Variants in SIDT1 observed in about 807,000 individuals in gnomAD.
The protein encoded by SIDT1 is SID1 transmembrane family member 1.
SIDT1 carries 101 observed loss-of-function variants against 107.5 expected under a neutral mutation model. The observed-to-expected ratio is 0.94, with a 90% CI of 0.80 to 1.11. SIDT1 has a LOEUF of 1.11. Ranked by LOEUF, SIDT1 falls within the 50% of genes least tolerant of loss-of-function variation. The pLI is 0.00. For missense variants in SIDT1, 1,076 were observed against 1,058.2 expected (o/e 1.02, Z -0.23); for synonymous variants, 395 against 398.2 (o/e 0.99, Z 0.10).
chr3:113,626,293 CT>C (rs1374842406), intron 24 of SIDT1, 78 bp downstream of exon 24: 126 of 948,840 alleles, frequency 1.3e-4, no homozygotes, highest in Admixed American at 1.6e-4. Flanking sequence ...CTCTTCCTTA[CT>C]TTTTTTTATA....
intron 10 of SIDT1, chr3:113,594,778 GA>G (rs76875688): frequency 0.033 from 4,924 of 151,224 alleles, 188 homozygotes; most frequent in East Asian, 0.11. Flanking sequence ...ACAGCAACAA[GA>G]AAAAAAAAAT....
At chr3:113,636,357 C>T in the SIDT1 span, among the ~76,000 whole-genome samples, 1 of 151,972 alleles carries the variant, frequency 6.6e-6, no homozygotes, top group African/African-American at 2.4e-5. Context: ...GAGCTGAGAT[C>T]GCACCACTGC....
intron 1 of SIDT1, among the ~76,000 whole-genome samples, chr3:113,556,313 T>C (rs938724315): frequency 5.9e-5 from 9 of 152,140 alleles, no homozygotes; most frequent in African/African-American, 2.2e-4. Flanking sequence ...AAAGTGTAAC[T>C]TGTGATGGAA....
intron 1 of SIDT1, among the ~76,000 whole-genome samples, chr3:113,565,995 A>G (rs1941865736): frequency 6.6e-6 from 1 of 152,178 alleles, no homozygotes; most frequent in Non-Finnish European, 1.5e-5. Context: ...ATAAGAAGAA[A>G]AGCACATCCG....
chr3:113,567,485 A>C, intron 2 of SIDT1, 55 bp from the exon 3 acceptor site: 1 of 1,440,442 alleles, frequency 6.9e-7, no homozygotes, highest in Non-Finnish European at 9.5e-7. Flanking sequence ...CTGCTCATTC[A>C]CTGAGTCCCT....
At chr3:113,551,052 A>T (rs1036391232) in intron 1 of SIDT1, among the ~76,000 whole-genome samples, 1 of 152,176 alleles carries the variant, frequency 6.6e-6, no homozygotes, top group Non-Finnish European at 1.5e-5. Context: ...GCTAAGGATA[A>T]TGGCCTCCAG....
chr3:113,548,065 A>G (rs1238566996), intron 1 of SIDT1, among the ~76,000 whole-genome samples: 1 of 152,144 alleles, frequency 6.6e-6, no homozygotes, highest in East Asian at 1.9e-4. Flanking sequence ...CTTCAAGAGC[A>G]TAAATACAAG....
chr3:113,532,972 GC>G lies in SIDT1; in HGVS notation c.-45del. 2.4e-6 allele frequency: 3 copies of G among 1,228,494 alleles called. No homozygotes were observed. Among genetic ancestry groups the G allele is most frequent in the South Asian group, 2.3e-5 (1 of 43,254 alleles). The allele number at this position is 1,228,494 out of a possible 1,614,324, so 76.1% of individuals were successfully genotyped here. On this transcript the variant is annotated 5_prime_UTR_variant, in exon 1 of 25. Coordinates refer to ENST00000264852, the MANE Select transcript of SIDT1 (RefSeq NM_017699.3). The stretch of plus-strand genomic sequence containing the variant: ...CTTTGGAAGGACCCTCTCTGCGCTC[GC>G]CCCCTCCCCAGGGTGGCTCCGCTTT...
chr3:113,611,719 G>A (rs1945756662), intron 18 of SIDT1, among the ~76,000 whole-genome samples: 1 of 152,176 alleles, frequency 6.6e-6, no homozygotes, highest in South Asian at 2.1e-4. Flanking sequence ...TGGAATAGGG[G>A]TATATAAGCT....
intron 4 of SIDT1, among the ~76,000 whole-genome samples, chr3:113,580,177 G>C (rs370166340): frequency 6.6e-6 from 1 of 152,120 alleles, no homozygotes; most frequent in Admixed American, 6.6e-5. Context: ...AATTATTGAG[G>C]AACAGGCTTA....
intron 1 of SIDT1, among the ~76,000 whole-genome samples, chr3:113,547,375 A>G (rs1298859760): frequency 6.6e-6 from 1 of 152,176 alleles, no homozygotes; most frequent in African/African-American, 2.4e-5. Context: ...ATTAAAGCTG[A>G]GTGTCATACA....
chr3:113,549,913 A>G (rs1940024559), intron 1 of SIDT1, among the ~76,000 whole-genome samples: 4 of 152,298 alleles, frequency 2.6e-5, no homozygotes, highest in African/African-American at 4.8e-5. Context: ...GTTAATTTTT[A>G]TGAAAGGTAT....
intron 23 of SIDT1, among the ~76,000 whole-genome samples, chr3:113,623,956 T>C (rs1293979037): frequency 1.3e-5 from 2 of 151,942 alleles, no homozygotes; most frequent in African/African-American, 4.8e-5. Flanking sequence ...CATTGCAAAC[T>C]TGGTCTTCAT....
chr3:113,627,983 G>A lies in SIDT1; in HGVS notation c.*275G>A. The A allele has an allele frequency of 2.2e-6, 1 of 445,728 alleles. No homozygotes were observed. The highest frequency in any genetic ancestry group is 4.1e-6 in the Non-Finnish European group (1 of 245,232). The allele number at this position is 445,728 out of a possible 1,614,324, so 27.6% of individuals were successfully genotyped here. A position where few individuals can be genotyped will look rare whatever the true frequency, so the allele number is the denominator to read the frequency against. ...CAGCTTTGGGAGTGCAACAGGGATA[G>A]GCACTGCATCCAAGTCAACTCACCA... On this transcript the variant is annotated 3_prime_UTR_variant, in exon 25 of 25. Coordinates refer to ENST00000264852, the MANE Select transcript of SIDT1 (RefSeq NM_017699.3).
At chr3:113,606,326 G>C (rs972792736) in intron 14 of SIDT1, 1 of 152,156 alleles carries the variant, frequency 6.6e-6, no homozygotes, top group South Asian at 2.1e-4. Flanking sequence ...GCTGTACCCC[G>C]TCCCAATTAG....
chr3:113,632,684 T>C (rs1947101731), downstream of SIDT1: 1 of 152,210 alleles, frequency 6.6e-6, no homozygotes, highest in African/African-American at 2.4e-5. Context: ...GTGAACAAAA[T>C]GCACGTCAGT....
In SIDT1 at chr3:113,603,120, T is replaced by G; in HGVS notation, c.1233T>G (p.Ile411Met). 1 of 1,613,952 alleles carries G rather than the reference T, an allele frequency of 6.2e-7. No homozygotes were observed. The highest frequency in any genetic ancestry group is 8.5e-7 in the Non-Finnish European group (1 of 1,179,908). Reference protein sequence around the residue: ...EESDFDTMPDIESDKNIIRTK... With the variant: ...EESDFDTMPDMESDKNIIRTK... ...GCGACTTCGACACCATGCCAGACAT[T>G]GAGAGTGATAAAAACATCATCCGGA... is the stretch of plus-strand genomic sequence containing the variant. Residue 411 changes from isoleucine to methionine, a missense_variant, in exon 12 of 25, where the codon ATT (isoleucine) becomes ATG (methionine). Ile to Met is a conservative substitution (Grantham distance 10). Coordinates refer to ENST00000264852, the MANE Select transcript of SIDT1 (RefSeq NM_017699.3).
At chr3:113,597,332 A>G (rs1411001120) in intron 10 of SIDT1, among the ~76,000 whole-genome samples, 1 of 151,914 alleles carries the variant, frequency 6.6e-6, no homozygotes, top group Non-Finnish European at 1.5e-5. Flanking sequence ...CCCTGTCTCC[A>G]CTAAAATACA....
At chr3:113,623,570 C>A in intron 22 of SIDT1, 38 bp downstream of exon 22, 1 of 1,602,518 alleles carries the variant, frequency 6.2e-7, no homozygotes, top group Non-Finnish European at 8.5e-7. Flanking sequence ...CTCGGGCCCT[C>A]GGGCAGGCGA....
Sources: allele counts gnomAD v4.1 joint callset (sites outside exome capture counted in the v4.1 genomes callset), GRCh38; gene constraint gnomAD v4.1.1; transcripts MANE v1.5; gene names NCBI Gene and HGNC (gene_info 2026-07-23, HGNC 2026-07-21).